The following MADD variants were observed in gnomAD, a reference collection of about 807,000 sequenced individuals.
MADD encodes the protein MAP kinase activating death domain.
Under a neutral mutation model 176.7 loss-of-function variants are expected in MADD, and 109 were observed. That is an observed-to-expected ratio of 0.62 (90% CI 0.53 to 0.72). The LOEUF (loss-of-function observed/expected upper bound fraction) is 0.72, where lower values mean the gene tolerates loss of function less well. Among genes scored for constraint, MADD ranks in the 30% least tolerant of loss-of-function variants. The pLI is 0.00. For synonymous variants in MADD, 771 were observed against 771.3 expected (o/e 1.00, Z 0.01); for missense variants, 1,914 against 2,045.5 (o/e 0.94, Z 1.24).
intron 14 of MADD, 54 bp from the exon 15 acceptor site, chr11:47,286,379 T>A (rs979856704): frequency 8.6e-7 from 1 of 1,167,568 alleles, no homozygotes; most frequent in Non-Finnish European, 1.3e-6. Flanking sequence ...ATTAGTCTAC[T>A]GCTTTGATTA....
At chr11:47,304,290 G>C (rs987865649) in intron 22 of MADD, among the ~76,000 whole-genome samples, 1 of 151,408 alleles carries the variant, frequency 6.6e-6, no homozygotes, top group Non-Finnish European at 1.5e-5. Flanking sequence ...GAATGCAATG[G>C]CACTATCTCG....
intron 19 of MADD, among the ~76,000 whole-genome samples, chr11:47,292,110 C>G (rs1349216279): frequency 1.3e-5 from 2 of 152,196 alleles, no homozygotes; most frequent in African/African-American, 4.8e-5. Flanking sequence ...AGGTGTTCAT[C>G]TGTCTCATCT....
chr11:47,295,372 C>T (rs1349747222), intron 20 of MADD, 124 bp from the exon 23 acceptor site: 3 of 718,694 alleles, frequency 4.2e-6, no homozygotes, highest in Admixed American at 2.7e-5. Context: ...AAAAGTTGCT[C>T]GTGACTTCTC....
intron 22 of MADD, among the ~76,000 whole-genome samples, chr11:47,300,424 C>G (rs1310698059): frequency 6.7e-6 from 1 of 150,004 alleles, no homozygotes; most frequent in African/African-American, 2.5e-5. Context: ...CCAGGGTGGT[C>G]TCGAACTCCT....
exon 9 of MADD, chr11:47,282,605 G>T: frequency 6.2e-7 from 1 of 1,614,110 alleles, no homozygotes; most frequent in South Asian, 1.1e-5. Context: ...GCCTTTCAGC[G>T]AATTCACAAC....
At chr11:47,272,026 C>T (rs1380264919) in intron 1 of MADD, 2 of 152,174 alleles carry the variant, frequency 1.3e-5, no homozygotes, top group Admixed American at 6.6e-5. Context: ...CTATCAAAAG[C>T]CAGAATTAGG....
intron 1 of MADD, among the ~76,000 whole-genome samples, chr11:47,273,224 A>G (rs2046421725): frequency 6.6e-6 from 1 of 152,220 alleles, no homozygotes; most frequent in African/African-American, 2.4e-5. Flanking sequence ...TTTTTGTTAC[A>G]ATGACTGAGT....
At chr11:47,327,992 C>T in intron 31 of MADD, 1 of 987,496 alleles carries the variant, frequency 1.0e-6, no homozygotes, top group Non-Finnish European at 1.2e-6. Flanking sequence ...CCTGTCACCT[C>T]CCTCCCTGGG....
At chr11:47,313,075 G>A (rs191059946) in intron 26 of MADD, among the ~76,000 whole-genome samples, 8 of 152,328 alleles carry the variant, frequency 5.3e-5, no homozygotes, top group Admixed American at 3.9e-4. Context: ...AAGTGAGCCT[G>A]TTGTTTCAGG....
intron 22 of MADD, among the ~76,000 whole-genome samples, chr11:47,302,667 C>T (rs926492270): frequency 1.1e-4 from 17 of 152,014 alleles, no homozygotes; most frequent in African/African-American, 4.1e-4. Flanking sequence ...TTGTAGGCAG[C>T]ATATAGTTAG....
intron 5 of MADD, 107 bp downstream of exon 5, chr11:47,276,970 T>C: frequency 7.5e-7 from 1 of 1,334,672 alleles, no homozygotes; most frequent in Non-Finnish European, 1.0e-6. Context: ...TCCTTTGTCA[T>C]AACTTATTTG....
intron 22 of MADD, among the ~76,000 whole-genome samples, chr11:47,298,898 G>A (rs2075343885): frequency 6.6e-6 from 1 of 152,128 alleles, no homozygotes; most frequent in Admixed American, 6.5e-5. Flanking sequence ...TCTGAATAAT[G>A]GATATCAAGT....
rs963058533 is a variant in MADD, at chr11:47,282,604, C to T, written c.1693C>T (p.Arg565Ter). Reference sequence around the variant, plus strand: ...TAACCCCACCAACTATGCCTTTCAGCGAATTCACAACAGTGAGTCTACCTG... The same window carrying T: ...TAACCCCACCAACTATGCCTTTCAGTGAATTCACAACAGTGAGTCTACCTG... Residue 565 changes from arginine (R) to a stop codon, truncating the protein, a stop_gained, in exon 9 of 33, where the codon CGA (arginine) becomes TGA (stop). Transcript: ENST00000402192. LOFTEE classifies it high-confidence loss of function. 4.3e-6 allele frequency: 7 copies of T among 1,614,110 alleles called. No homozygotes were observed. Among genetic ancestry groups the T allele is most frequent in the Non-Finnish European group, 5.9e-6 (7 of 1,180,006 alleles).
chr11:47,275,729 C>T (rs369531046), intron 3 of MADD, among the ~76,000 whole-genome samples, 170 bp from the exon 4 acceptor site: 1 of 152,194 alleles, frequency 6.6e-6, no homozygotes, highest in South Asian at 2.1e-4. Flanking sequence ...TTTACATTTG[C>T]TTTTGCCATT....
intron 22 of MADD, among the ~76,000 whole-genome samples, chr11:47,306,347 G>A (rs1430780590): frequency 6.6e-6 from 1 of 152,180 alleles, no homozygotes; most frequent in African/African-American, 2.4e-5. Context: ...TCTGTCCCCA[G>A]AGCAAAACAC....
At chr11:47,292,653 G>C in intron 19 of MADD, 57 bp downstream of exon 21, 1 of 1,555,206 alleles carries the variant, frequency 6.4e-7, no homozygotes, top group African/African-American at 1.4e-5. Context: ...CAACTCCCCA[G>C]GCCCAGTTGG....
In MADD at chr11:47,274,554, G is replaced by T; in HGVS notation, c.63-9G>T. ...TTCAGGCTGCTGAATTTGTCTTTAT[G>T]TTCTTCAGGCACCCGAGCAGTGATA... On this transcript the variant is annotated splice_polypyrimidine_tract_variant and intron_variant, in intron 2 of 32. Transcript: ENST00000402192. 6 of 1,598,376 alleles carry T rather than the reference G, an allele frequency of 3.8e-6. No homozygotes were observed. Among genetic ancestry groups the T allele is most frequent in the Non-Finnish European group, 5.1e-6 (6 of 1,167,596 alleles).
At position 47,286,498 on chromosome 11, in the gene MADD, G is replaced by T. The variant is rs377417195; in HGVS notation, c.2617G>T (p.Ala873Ser). 6.8e-6 allele frequency: 11 copies of T among 1,613,992 alleles called. No individual in the cohort carries two copies. In the African/African-American group the frequency reaches 1.3e-4, roughly 20 times the overall value. Reference sequence around the variant, plus strand: ...AAACCTCACACTGCCCACCAAAGGTGCCCGAGAGAAGGCCACGCCCTTCCC... The same window carrying T: ...AAACCTCACACTGCCCACCAAAGGTTCCCGAGAGAAGGCCACGCCCTTCCC... The change falls in exon 15 of 33, where the codon GCC (alanine) becomes TCC (serine). Residue 873 changes from alanine to serine, a missense_variant. Around this residue, in one of 2 missense-constraint regions of MADD, gnomAD observed 1,767 missense variants for 1,836.0 expected, o/e 0.96. Coordinates refer to ENST00000402192, the Ensembl canonical transcript of MADD.
At chr11:47,274,811 G>A (rs751325656) in exon 3 of MADD, 9 of 1,614,226 alleles carry the variant, frequency 5.6e-6, no homozygotes, top group South Asian at 3.3e-5. Flanking sequence ...TTCCAAAAGC[G>A]AATCTCTAAG....
Sources: gnomAD v4.1 joint callset for allele counts (sites outside exome capture counted in the v4.1 genomes callset) on GRCh38, gnomAD v4.1.1 for gene constraint, gnomAD v4.1.1 regional missense constraint, MANE v1.5 for transcripts, NCBI Gene and HGNC (gene_info 2026-07-23, HGNC 2026-07-21) for gene names.